Variants in SBF2 observed in about 807,000 individuals in gnomAD.
SBF2 encodes the protein SET binding factor 2, also known as myotubularin-related protein 13.
SBF2 carries 112 observed loss-of-function variants against 225.2 expected under a neutral mutation model. That is an observed-to-expected ratio of 0.50 (90% CI 0.43 to 0.58). The LOEUF (loss-of-function observed/expected upper bound fraction) is 0.58. Among genes scored for constraint, SBF2 ranks in the 20% least tolerant of loss-of-function variants. The pLI, the probability that SBF2 is intolerant of heterozygous loss-of-function variation, is 0.00. For missense variants in SBF2, 1,996 were observed against 2,206.2 expected (o/e 0.90, Z 1.91); for synonymous variants, 763 against 773.3 (o/e 0.99, Z 0.22).
intron 12 of SBF2, among the ~76,000 whole-genome samples, chr11:9,990,637 C>T (rs890417244): frequency 3.3e-5 from 5 of 152,180 alleles, no homozygotes; most frequent in African/African-American, 1.2e-4. Context: ...AAAGTCACCA[C>T]TGTAGGCCAA....
intron 2 of SBF2, among the ~76,000 whole-genome samples, chr11:10,170,169 G>A (rs1591119611): frequency 6.6e-6 from 1 of 152,100 alleles, no homozygotes. Context: ...TGCTTTGGTT[G>A]TCTGTGCTTA....
At chr11:10,122,031 C>T (rs1192463560) in intron 2 of SBF2, among the ~76,000 whole-genome samples, 1 of 152,152 alleles carries the variant, frequency 6.6e-6, no homozygotes, top group Admixed American at 6.5e-5. Flanking sequence ...AGTAGTGATG[C>T]TGGCAATTCA....
At position 9,781,558 on chromosome 11, in the gene SBF2, A is replaced by T; in HGVS notation, c.5400T>A (p.Ala1800=). ...DLAEVEMVIP[A]GPSMGAPKHT... ...GCTTTGGGGCTCCCATGCTGGGGCC[A>T]GCAGGGATGACCATTTCTACTTCAG... The change falls in exon 39 of 40, where the codon GCT becomes GCA. Residue 1800 remains alanine (A), a synonymous_variant. Coordinates refer to ENST00000256190, the MANE Select transcript of SBF2 (RefSeq NM_030962.4). 1 of 1,614,246 alleles carries T rather than the reference A, an allele frequency of 6.2e-7. No individual in the cohort carries two copies. The highest frequency in any genetic ancestry group is 1.1e-5 in the South Asian group (1 of 91,088).
chr11:9,998,514 T>C, intron 8 of SBF2, 135 bp from the exon 9 acceptor site: 1 of 614,122 alleles, frequency 1.6e-6, no homozygotes, highest in Non-Finnish European at 2.9e-6. Context: ...AGTAGTAGAA[T>C]TCTGGGCTAA....
chr11:10,275,307 T>C (rs1444228508), intron 1 of SBF2, among the ~76,000 whole-genome samples: 1 of 152,106 alleles, frequency 6.6e-6, no homozygotes, highest in East Asian at 1.9e-4. Context: ...CATTTGTGCT[T>C]GTAACTATAA....
At chr11:9,880,084 T>TTA (rs1859622248) in intron 17 of SBF2, among the ~76,000 whole-genome samples, 4 of 52,004 alleles carry the variant, frequency 7.7e-5, no homozygotes, top group Admixed American at 5.4e-4. Flanking sequence ...CTCTGTCTCA[T>TTA]AAAAAAAAAA....
At chr11:10,076,307 C>T (rs1951103989) in intron 2 of SBF2, among the ~76,000 whole-genome samples, 2 of 152,336 alleles carry the variant, frequency 1.3e-5, no homozygotes, top group South Asian at 4.1e-4. Context: ...CAACTACTGA[C>T]AGAAGGCCAT....
intron 6 of SBF2, among the ~76,000 whole-genome samples, chr11:10,012,993 C>T (rs56374204): frequency 0.06 from 9,070 of 152,246 alleles, 356 homozygotes; most frequent in Middle Eastern, 0.16. Context: ...AAAGCTTCTA[C>T]GTACTGCTGA....
intron 14 of SBF2, among the ~76,000 whole-genome samples, chr11:9,967,969 C>CTA (rs1301230760): frequency 7.4e-4 from 65 of 87,428 alleles, no homozygotes; most frequent in South Asian, 2.9e-3. Flanking sequence ...CTCTCTCTCT[C>CTA]TCTATATATA....
intron 25 of SBF2, among the ~76,000 whole-genome samples, chr11:9,842,081 C>CA (rs1445553602): frequency 6.6e-6 from 1 of 152,150 alleles, no homozygotes; most frequent in African/African-American, 2.4e-5. Flanking sequence ...GGGAAACAGT[C>CA]ACTCAGAGAT....
At chr11:10,093,663 A>G (rs997640319) in intron 2 of SBF2, among the ~76,000 whole-genome samples, 2 of 152,226 alleles carry the variant, frequency 1.3e-5, no homozygotes, top group African/African-American at 4.8e-5. Flanking sequence ...TAGATATGTG[A>G]CTTCTAGTCT....
At chr11:9,959,666 G>A (rs534846593) in intron 16 of SBF2, 95 of 742,072 alleles carry the variant, frequency 1.3e-4, no homozygotes, top group African/African-American at 7.1e-4. Flanking sequence ...CACTTGCAGC[G>A]CAGTCTTGCT....
At chr11:9,805,717 G>T (rs537446529) in intron 32 of SBF2, among the ~76,000 whole-genome samples, 1 of 152,292 alleles carries the variant, frequency 6.6e-6, no homozygotes, top group Admixed American at 6.5e-5. Context: ...CCGCCTCCCG[G>T]GTTCAAGCGA....
chr11:10,205,998 C>A (rs1957739360), intron 1 of SBF2, among the ~76,000 whole-genome samples: 1 of 151,902 alleles, frequency 6.6e-6, no homozygotes, highest in African/African-American at 2.4e-5. Flanking sequence ...TCCACTGTAA[C>A]AAGCAGTCTG....
chr11:10,131,945 G>T (rs1025028087), intron 2 of SBF2, among the ~76,000 whole-genome samples: 2 of 152,060 alleles, frequency 1.3e-5, no homozygotes, highest in Non-Finnish European at 1.5e-5. Flanking sequence ...TAGTTCCAAA[G>T]ATGTTCTATG....
At chr11:9,969,686 A>T (rs1412626973) in intron 13 of SBF2, among the ~76,000 whole-genome samples, 1 of 152,086 alleles carries the variant, frequency 6.6e-6, no homozygotes, top group Non-Finnish European at 1.5e-5. Context: ...ACCTTATCTT[A>T]AATTATACTC....
intron 9 of SBF2, among the ~76,000 whole-genome samples, chr11:9,997,898 T>C (rs1212609297): frequency 6.6e-6 from 1 of 152,110 alleles, no homozygotes; most frequent in African/African-American, 2.4e-5. Flanking sequence ...AGGAATGAGA[T>C]GCCAATAGGG....
At chr11:10,054,081 T>C (rs997764333) in intron 2 of SBF2, among the ~76,000 whole-genome samples, 3 of 152,190 alleles carry the variant, frequency 2.0e-5, no homozygotes, top group African/African-American at 7.2e-5. Flanking sequence ...ATAAAGTATA[T>C]ACTTAAAAGG....
intron 2 of SBF2, among the ~76,000 whole-genome samples, chr11:10,192,292 C>G (rs559487052): frequency 2.0e-5 from 3 of 152,122 alleles, no homozygotes; most frequent in African/African-American, 7.2e-5. Context: ...AGATTTACCC[C>G]CTCTGTAGGC....
Sources: allele counts gnomAD v4.1 joint callset (sites outside exome capture counted in the v4.1 genomes callset), GRCh38; gene constraint gnomAD v4.1.1; transcripts MANE v1.5; gene names NCBI Gene and HGNC (gene_info 2026-07-23, HGNC 2026-07-21).